The following NDST1 variants were observed in gnomAD, a reference collection of about 807,000 sequenced individuals.
NDST1 encodes the protein N-deacetylase and N-sulfotransferase 1.
A neutral mutation model predicts 92.8 loss-of-function variants in NDST1; 35 were observed. That is an observed-to-expected ratio of 0.38 (90% CI 0.29 to 0.50). The LOEUF (loss-of-function observed/expected upper bound fraction) is 0.50. Ranked by LOEUF, NDST1 falls within the 20% of genes least tolerant of loss-of-function variation. The probability of loss-of-function intolerance (pLI) is 0.94; values close to 1 mark genes in which losing one functional copy is unlikely to be tolerated. For missense variants in NDST1, 822 were observed against 1,182.7 expected (o/e 0.69, Z 4.47); for synonymous variants, 493 against 500.3 (o/e 0.99, Z 0.19).
At chr5:150,535,147 GGCCAAGGGAGAGCT>G in intron 5 of NDST1, 126 bp downstream of exon 5, 1 of 1,408,762 alleles carries the variant, frequency 7.1e-7, no homozygotes, top group Non-Finnish European at 9.7e-7. Context: ...TCTGGGCCAG[GGCCAAGGGAGAGCT>G]GCCTTTATAG....
At chr5:150,516,403 G>A (rs1561591034) in intron 1 of NDST1, among the ~76,000 whole-genome samples, 1 of 152,238 alleles carries the variant, frequency 6.6e-6, no homozygotes. Context: ...TGCCAGGCGT[G>A]GTTCTGAGCA....
chr5:150,501,221 C>T (rs182508049), intron 1 of NDST1, among the ~76,000 whole-genome samples: 1 of 152,292 alleles, frequency 6.6e-6, no homozygotes, highest in East Asian at 1.9e-4. Context: ...TCCTGCTGAC[C>T]ACAGGAAAAG....
rs1046926857 is a variant in NDST1 at position 150,521,002 on chromosome 5, C to CGG, written c.-249_-248dup. 3.4e-5 allele frequency: 20 copies of CGG among 595,898 alleles called. No individual in the cohort carries two copies. In the Admixed American group the frequency reaches 3.9e-4, roughly 12 times the overall value. 36.9% of individuals were successfully genotyped at this position (595,898 alleles called of 1,614,324 possible). On this transcript the variant is annotated 5_prime_UTR_variant, in exon 2 of 15. Coordinates refer to ENST00000261797, the MANE Select transcript of NDST1 (RefSeq NM_001543.5). The surrounding 1 kb of genome is among the most constrained non-coding windows in gnomAD (Gnocchi z 5.9). ...CACTTCTGCTCTGCACAGGACCACG[C>CGG]GGGGGTTTGCCATGGTGACATAAAG...
chr5:150,540,360 A>G (rs1469635282), intron 8 of NDST1, 96 bp downstream of exon 8: 1 of 1,309,504 alleles, frequency 7.6e-7, no homozygotes, highest in East Asian at 2.4e-5. Flanking sequence ...CTCAGCCATC[A>G]TGCCTTCACA....
intron 3 of NDST1, among the ~76,000 whole-genome samples, chr5:150,529,902 C>A (rs1172973127): frequency 6.6e-6 from 1 of 152,196 alleles, no homozygotes; most frequent in Non-Finnish European, 1.5e-5. Context: ...CAGGAGTGAA[C>A]TTTGCTCTTC....
At position 150,549,776 on chromosome 5, in the gene NDST1, C is replaced by A; in HGVS notation, c.2415C>A (p.His805Gln). ...GGGTGACCAACACCATTGACTACCA[C>A]AAAACCTTGGCGTGAGTGTTGCCTT... ...FLGVTNTIDYHKTLAFDPKKG... is the reference protein window; with the variant it reads ...FLGVTNTIDYQKTLAFDPKKG... The change falls in exon 13 of 15, where the codon CAC (histidine) becomes CAA (glutamine). Residue 805 changes from histidine (H) to glutamine (Q), a missense_variant. Coordinates refer to ENST00000261797, the MANE Select transcript of NDST1 (RefSeq NM_001543.5). The A allele has an allele frequency of 6.2e-7, 1 of 1,608,740 alleles. No homozygotes were observed. Among genetic ancestry groups the A allele is most frequent in the East Asian group, 2.2e-5 (1 of 44,868 alleles).
chr5:150,528,987 A>C (rs1196720610), intron 3 of NDST1, among the ~76,000 whole-genome samples: 1 of 152,176 alleles, frequency 6.6e-6, no homozygotes, highest in Non-Finnish European at 1.5e-5. Flanking sequence ...GTTTATGTTA[A>C]TGTCAGAGCG....
At position 150,535,072 on chromosome 5, in the gene NDST1, G is replaced by A. The variant is rs771370307; in HGVS notation, c.1251+51G>A. 64 of 1,578,292 alleles carry A rather than the reference G, an allele frequency of 4.1e-5. No homozygotes were observed. In the South Asian group the frequency reaches 6.7e-4, roughly 17 times the overall value. ...AGCGGGGCGGGCTAAGGGCTGGGCT[G>A]GAGGTCCAGACTGCTGGCCTCTTGC... On this transcript the variant is annotated intron_variant, in intron 5 of 14. Coordinates refer to ENST00000261797, the MANE Select transcript of NDST1 (RefSeq NM_001543.5).
intron 1 of NDST1, among the ~76,000 whole-genome samples, chr5:150,514,797 A>G (rs1383486872): frequency 2.0e-5 from 3 of 152,162 alleles, no homozygotes; most frequent in Admixed American, 6.5e-5. Flanking sequence ...TTGTCTCCTT[A>G]TCTGTAAATT....
intron 9 of NDST1, 133 bp from the exon 10 acceptor site, chr5:150,542,715 A>G: frequency 8.7e-7 from 1 of 1,143,404 alleles, no homozygotes. Flanking sequence ...CAGATGAAGA[A>G]GCTAAGACCA....
intron 2 of NDST1, among the ~76,000 whole-genome samples, chr5:150,522,457 G>T (rs547983215): frequency 7.4e-4 from 113 of 151,986 alleles, no homozygotes; most frequent in Non-Finnish European, 1.5e-3. Context: ...GGTTGGGAAT[G>T]GTGGGCGGGG....
intron 11 of NDST1, 120 bp from the exon 12 acceptor site, chr5:150,548,098 G>A (rs1334881545): frequency 1.3e-5 from 15 of 1,188,214 alleles, no homozygotes; most frequent in Non-Finnish European, 1.7e-5. Context: ...CCAGGACTCA[G>A]ACCCAGAGCT....
intron 10 of NDST1, among the ~76,000 whole-genome samples, chr5:150,544,432 A>G (rs1755390455): frequency 6.6e-6 from 1 of 152,226 alleles, no homozygotes; most frequent in Non-Finnish European, 1.5e-5. Context: ...AAGATGAGAG[A>G]AGACGTAATT....
At position 150,520,954 on chromosome 5, in the gene NDST1, C is replaced by G. The variant is rs969348110; in HGVS notation, c.-301C>G. ...CCTCTGGCCTGCTGCCCTGCACCCCCAGAAGGCCCTGACGCCCTGGGGCAC... is the reference window on the plus strand; with the variant it reads ...CCTCTGGCCTGCTGCCCTGCACCCCGAGAAGGCCCTGACGCCCTGGGGCAC... On this transcript the variant is annotated 5_prime_UTR_variant, in exon 2 of 15. Transcript: ENST00000261797. The G allele has an allele frequency of 1.1e-5, 6 of 552,850 alleles. No individual in the cohort carries two copies. The highest frequency in any genetic ancestry group is 1.6e-5 in the Non-Finnish European group (5 of 314,544). The allele number at this position is 552,850 out of a possible 1,614,324, so 34.2% of individuals were successfully genotyped here.
chr5:150,535,087 T>C (rs1338008629), intron 5 of NDST1, 66 bp downstream of exon 5: 1 of 1,561,786 alleles, frequency 6.4e-7, no homozygotes, highest in Non-Finnish European at 8.7e-7. Flanking sequence ...TCCAGACTGC[T>C]GGCCTCTTGC....
chr5:150,517,199 T>C (rs1754014151), intron 1 of NDST1, among the ~76,000 whole-genome samples: 1 of 152,086 alleles, frequency 6.6e-6, no homozygotes. Flanking sequence ...TCGCTCAGGC[T>C]GGAATGCAGT....
rs111969127 is a variant in NDST1, at chr5:150,543,026, A to G, written c.1970+55A>G. 3.0e-5 allele frequency: 49 copies of G among 1,610,758 alleles called. 2 individuals are homozygous for G. The African/African-American group carries it at 3.2e-4, about 11-fold the overall frequency. On this transcript the variant is annotated intron_variant, in intron 10 of 14. Transcript: ENST00000261797. ...CGGGAAGGCCATCCTGGGGCCTCCC[A>G]GGAGTCTGCTGTGGCCACAGCAGGA... is the stretch of plus-strand genomic sequence containing the variant.
intron 4 of NDST1, among the ~76,000 whole-genome samples, chr5:150,534,566 GT>G (rs1406509300): frequency 6.6e-6 from 1 of 152,364 alleles, no homozygotes; most frequent in Admixed American, 6.5e-5. Context: ...GAGCAGGTAT[GT>G]CAGAGGTAGA....
rs1755148816 is a variant in NDST1 at position 150,539,531 on chromosome 5, A to C, written c.1566+175A>C. 4.0e-6 allele frequency: 6 copies of C among 1,487,224 alleles called. No individual in the cohort carries two copies. The South Asian group carries it at 7.8e-5, about 19-fold the overall frequency. 92.1% of individuals were successfully genotyped at this position (1,487,224 alleles called of 1,614,324 possible). ...TGCCTCGGCTGTGTGACCTTGGCTA[A>C]AGAATCCGAGCATGCTTTTTTTTTC... On this transcript the variant is annotated intron_variant, in intron 7 of 14. Coordinates refer to ENST00000261797, the MANE Select transcript of NDST1 (RefSeq NM_001543.5).
Sources: allele counts gnomAD v4.1 joint callset (sites outside exome capture counted in the v4.1 genomes callset), GRCh38; gene constraint gnomAD v4.1.1; non-coding constraint Gnocchi (gnomAD v3.1); transcripts MANE v1.5; gene names NCBI Gene and HGNC (gene_info 2026-07-23, HGNC 2026-07-21).